Variants in DTNB observed in about 807,000 individuals in gnomAD.
The protein encoded by DTNB is dystrobrevin beta.
A neutral mutation model predicts 90.7 loss-of-function variants in DTNB; 63 were observed. The observed-to-expected ratio is 0.69, with a 90% CI of 0.57 to 0.86. DTNB has a LOEUF of 0.86. Among genes scored for constraint, DTNB ranks in the 40% least tolerant of loss-of-function variants. The pLI is 0.00. For missense variants in DTNB, 744 were observed against 807.1 expected, an observed-to-expected ratio of 0.92 and a Z score of 0.95; for synonymous variants, 277 against 286.7, an observed-to-expected ratio of 0.97 and a Z score of 0.34.
chr2:25,587,790 G>A (rs954970462), intron 6 of DTNB, among the ~76,000 whole-genome samples: 2 of 152,116 alleles, frequency 1.3e-5, no homozygotes, highest in Admixed American at 6.5e-5. Flanking sequence ...AAGTATGCTA[G>A]TGAGACAGGC....
At chr2:25,433,082 C>G (rs1281897355) in intron 13 of DTNB, 83 bp from the exon 14 acceptor site, 3 of 1,308,860 alleles carry the variant, frequency 2.3e-6, no homozygotes, top group East Asian at 5.1e-5. Context: ...CTTTTCAACT[C>G]TAGCAGTGCC....
intron 4 of DTNB, among the ~76,000 whole-genome samples, chr2:25,621,028 T>TA (rs905826580): frequency 6.6e-6 from 1 of 151,802 alleles, no homozygotes; most frequent in Admixed American, 6.6e-5. Flanking sequence ...CCTTGTCTCT[T>TA]AAAAAAAAGA....
intron 18 of DTNB, among the ~76,000 whole-genome samples, chr2:25,385,767 C>T (rs1048022773): frequency 6.6e-6 from 1 of 152,230 alleles, no homozygotes; most frequent in African/African-American, 2.4e-5. Flanking sequence ...CTATGAGACA[C>T]TGCTGAGGAT....
chr2:25,514,642 T>C (rs1391689912), intron 9 of DTNB, among the ~76,000 whole-genome samples: 1 of 152,070 alleles, frequency 6.6e-6, no homozygotes, highest in Non-Finnish European at 1.5e-5. Context: ...ATGATTTGTA[T>C]TGTAAGTTCA....
At chr2:25,465,723 A>T (rs1416802722) in intron 10 of DTNB, among the ~76,000 whole-genome samples, 1 of 151,814 alleles carries the variant, frequency 6.6e-6, no homozygotes, top group Admixed American at 6.6e-5. Context: ...TTTCCTCCTC[A>T]CATCATTCAG....
chr2:25,391,740 A>T (rs1166336200), intron 16 of DTNB, among the ~76,000 whole-genome samples: 1 of 152,220 alleles, frequency 6.6e-6, no homozygotes, highest in Non-Finnish European at 1.5e-5. Context: ...ACGACATTAG[A>T]ATAAAATTGG....
At chr2:25,592,508 C>T (rs2063762499) in intron 6 of DTNB, among the ~76,000 whole-genome samples, 1 of 151,828 alleles carries the variant, frequency 6.6e-6, no homozygotes. Flanking sequence ...CATCTAATTT[C>T]TCTTGTGTTT....
chr2:25,388,173 C>T, intron 17 of DTNB, 29 bp downstream of exon 17: 1 of 1,549,200 alleles, frequency 6.5e-7, no homozygotes. Context: ...CCCTTCAGCT[C>T]CCCGCTGAAC....
At chr2:25,611,962 G>T (rs76214985) in intron 4 of DTNB, among the ~76,000 whole-genome samples, 1 of 152,264 alleles carries the variant, frequency 6.6e-6, no homozygotes, top group African/African-American at 2.4e-5. Flanking sequence ...TCTATACCAA[G>T]TAGGCCCTTT....
At chr2:25,583,549 G>A (rs1425581062) in intron 6 of DTNB, among the ~76,000 whole-genome samples, 3 of 151,128 alleles carry the variant, frequency 2.0e-5, no homozygotes, top group Non-Finnish European at 2.9e-5. Context: ...ACAGAGTCTC[G>A]CTCTGTTGCC....
Position 25,653,422 on chromosome 2 carries a change from G to GT in DTNB, c.-1-762dup, listed in dbSNP as rs1272261622. ...TGTGGCACTGTAAGTCCAATTAAACGTTTTTTTTTTAAAAAAAAAAAAAAG... is the reference window on the plus strand; with the variant it reads ...TGTGGCACTGTAAGTCCAATTAAACGTTTTTTTTTTTAAAAAAAAAAAAAAG... On this transcript the variant is annotated intron_variant, in intron 1 of 20. Coordinates refer to ENST00000406818, the MANE Select transcript of DTNB (RefSeq NM_021907.5). 1.4e-3 allele frequency among the ~76,000 whole-genome samples: 166 copies of GT among 119,664 alleles called. 2 individuals carry two copies. The highest frequency in any genetic ancestry group is 2.0e-3 in the Non-Finnish European group (119 of 58,204). The allele number at this position is 119,664 out of a possible 152,430, so 78.5% of individuals were successfully genotyped here.
chr2:25,639,320 T>C (rs927543520), intron 2 of DTNB: 2 of 385,006 alleles, frequency 5.2e-6, no homozygotes, highest in Non-Finnish European at 9.4e-6. Flanking sequence ...TCCTGTCTGC[T>C]CATCGGAGAA....
At chr2:25,485,106 A>G in intron 9 of DTNB, among the ~76,000 whole-genome samples, 1 of 152,202 alleles carries the variant, frequency 6.6e-6, no homozygotes. Context: ...TCTATTTCCA[A>G]AAGAAGATAA....
chr2:25,389,827 G>C (rs2040574146), intron 16 of DTNB, among the ~76,000 whole-genome samples: 1 of 150,486 alleles, frequency 6.6e-6, no homozygotes, highest in African/African-American at 2.5e-5. Flanking sequence ...TGTTTTCTGT[G>C]GTTCTTACTT....
At chr2:25,586,951 C>T (rs1355539531) in intron 6 of DTNB, among the ~76,000 whole-genome samples, 1 of 152,186 alleles carries the variant, frequency 6.6e-6, no homozygotes, top group Non-Finnish European at 1.5e-5. Flanking sequence ...AGTGTGGGAA[C>T]ATGTGCTGCT....
At chr2:25,654,940 T>A (rs1256963288) in intron 1 of DTNB, among the ~76,000 whole-genome samples, 1 of 152,176 alleles carries the variant, frequency 6.6e-6, no homozygotes, top group Non-Finnish European at 1.5e-5. Flanking sequence ...TCCCTAAGTG[T>A]TAGAATGGAC....
intron 7 of DTNB, among the ~76,000 whole-genome samples, chr2:25,579,196 C>T (rs949788838): frequency 7.2e-5 from 11 of 152,142 alleles, no homozygotes; most frequent in Non-Finnish European, 1.3e-4. Flanking sequence ...TACTAAAACA[C>T]TTAAGGCTAT....
intron 12 of DTNB, among the ~76,000 whole-genome samples, chr2:25,441,830 T>C (rs1011816770): frequency 6.6e-5 from 10 of 152,188 alleles, no homozygotes; most frequent in African/African-American, 1.2e-4. Flanking sequence ...TCAAAGACAC[T>C]CAGGCATCAT....
At position 25,388,239 on chromosome 2, in the gene DTNB, G is replaced by A. The variant is rs557598647; in HGVS notation, c.1698C>T (p.Ser566=). The A allele has an allele frequency of 5.7e-5, 91 of 1,600,996 alleles. No homozygotes were observed. Among genetic ancestry groups the A allele is most frequent in the Non-Finnish European group, 7.2e-5 (85 of 1,174,252 alleles). ...TPTHCPQDSL[S]GVGGDVQEAF... ...CCTCCTGCACGTCTCCCCCGACTCC[G>A]CTCAGCGAGTCCTGCGGACAGTGGG... is the stretch of plus-strand genomic sequence containing the variant. The change falls in exon 17 of 21, where the codon AGC becomes AGT. Residue 566 remains serine, a synonymous_variant. Coordinates refer to ENST00000406818, the MANE Select transcript of DTNB (RefSeq NM_021907.5).
Sources: gnomAD v4.1 joint callset for allele counts (sites outside exome capture counted in the v4.1 genomes callset) on GRCh38, gnomAD v4.1.1 for gene constraint, MANE v1.5 for transcripts, NCBI Gene and HGNC (gene_info 2026-07-23, HGNC 2026-07-21) for gene names.